Variants in NR6A1 observed in about 807,000 individuals in gnomAD.
NR6A1 encodes nuclear receptor subfamily 6 group A member 1, also known as retinoic acid receptor-related testis-associated receptor.
A neutral mutation model predicts 59.1 loss-of-function variants in NR6A1; 7 were observed. The ratio of observed to expected loss-of-function variants is 0.12; its 90% CI spans 0.07 to 0.22. The LOEUF (loss-of-function observed/expected upper bound fraction) is 0.22, where lower values mean the gene tolerates loss of function less well. Ranked by LOEUF, NR6A1 falls within the 10% of genes least tolerant of loss-of-function variation. The pLI, the probability that NR6A1 is intolerant of heterozygous loss-of-function variation, is 1.00. For missense variants in NR6A1, 468 were observed against 611.6 expected (o/e 0.77, Z 2.48); for synonymous variants, 243 against 236.1 (o/e 1.03, Z -0.27).
chr9:124,670,498 G>A (rs1428748871), intron 2 of NR6A1, among the ~76,000 whole-genome samples: 1 of 149,238 alleles, frequency 6.7e-6, no homozygotes, highest in Non-Finnish European at 1.5e-5. Context: ...GAAATGAAAA[G>A]TCTTAGTATT....
At chr9:124,685,403 C>A (rs976167592) in intron 2 of NR6A1, among the ~76,000 whole-genome samples, 1 of 152,212 alleles carries the variant, frequency 6.6e-6, no homozygotes, top group African/African-American at 2.4e-5. Context: ...CGGCTCACTG[C>A]AGCCTTGACC....
intron 2 of NR6A1, chr9:124,607,549 T>TA (rs1184789979): frequency 5.9e-5 from 9 of 152,200 alleles, no homozygotes; most frequent in Admixed American, 5.9e-4. Flanking sequence ...CCTGTAAATT[T>TA]ACTAGCTATG....
At position 124,651,061 on chromosome 9, in the gene NR6A1, T is replaced by C. The variant is rs1837087316; in HGVS notation, c.142+82247A>G. 1.3e-5 allele frequency among the ~76,000 whole-genome samples: 2 copies of C among 152,260 alleles called. 1 individual carries two copies. Among genetic ancestry groups the C allele is most frequent in the South Asian group, 4.2e-4 (2 of 4,814 alleles). On this transcript the variant is annotated intron_variant, in intron 2 of 9. Transcript: ENST00000487099. ...TCTGAATTGGGTTACTAGCTCTTTT[T>C]GTTTTTCTTTTTGAGACAGAGTCTC...
chr9:124,587,142 C>T (rs551784861), intron 2 of NR6A1, among the ~76,000 whole-genome samples: 20 of 152,342 alleles, frequency 1.3e-4, no homozygotes, highest in African/African-American at 4.3e-4. Context: ...AAATGATTCA[C>T]TGAAGCCTCA....
chr9:124,705,261 CTAAT>C (rs1176731269), intron 2 of NR6A1, among the ~76,000 whole-genome samples: 3 of 152,200 alleles, frequency 2.0e-5, no homozygotes, highest in East Asian at 3.9e-4. Flanking sequence ...TCAATTATTG[CTAAT>C]TATTCTATTA....
chr9:124,713,158 G>A (rs1270366698), intron 2 of NR6A1, among the ~76,000 whole-genome samples: 2 of 152,072 alleles, frequency 1.3e-5, no homozygotes, highest in African/African-American at 4.8e-5. Context: ...CCACTCAATG[G>A]AGAAAGAATA....
At chr9:124,524,463 G>A (rs1234506525) in intron 9 of NR6A1, among the ~76,000 whole-genome samples, 1 of 152,172 alleles carries the variant, frequency 6.6e-6, no homozygotes, top group Non-Finnish European at 1.5e-5. Flanking sequence ...ACCACCAGCG[G>A]AGACTGGTAT....
At chr9:124,641,742 C>A (rs1836772088) in intron 2 of NR6A1, among the ~76,000 whole-genome samples, 1 of 152,220 alleles carries the variant, frequency 6.6e-6, no homozygotes, top group Non-Finnish European at 1.5e-5. Context: ...AGGTCAGGAA[C>A]TGACTGCAGT....
intron 2 of NR6A1, among the ~76,000 whole-genome samples, chr9:124,709,959 AAAG>A (rs1218641968): frequency 6.6e-6 from 1 of 152,014 alleles, no homozygotes; most frequent in Admixed American, 6.6e-5. Context: ...AAAAAAAAAA[AAAG>A]AAACCCAGTA....
rs1055443511 is a variant in NR6A1 at position 124,624,499 on chromosome 9, C to T, written c.143-69929G>A. The stretch of plus-strand genomic sequence containing the variant: ...ATTAGTTTCATATTAGGTATCTTTT[C>T]TTAAAATCTCTGTTGGCATCATGTC... On this transcript the variant is annotated intron_variant, in intron 2 of 9. Transcript: ENST00000487099. Among the ~76,000 whole-genome samples, 4 of 152,110 alleles carry T rather than the reference C, an allele frequency of 2.6e-5. No homozygotes were observed. In the East Asian group the frequency reaches 7.7e-4, roughly 29 times the overall value.
rs1005911916 is a variant in NR6A1, at chr9:124,691,108, G to A, written c.142+42200C>T. ...TCGCTTTATATTATTGGACCAAGAG[G>A]AAGACTTTTTAAAATAAACCCATTA... is the stretch of plus-strand genomic sequence containing the variant. On this transcript the variant is annotated intron_variant, in intron 2 of 9. Coordinates refer to ENST00000487099, the MANE Select transcript of NR6A1 (RefSeq NM_033334.4). 7.9e-5 allele frequency among the ~76,000 whole-genome samples: 12 copies of A among 152,168 alleles called. No homozygotes were observed. The East Asian group carries it at 2.3e-3, about 29-fold the overall frequency.
intron 2 of NR6A1, among the ~76,000 whole-genome samples, chr9:124,630,670 C>CGTT (rs1836407219): frequency 1.7e-5 from 1 of 59,504 alleles, no homozygotes; most frequent in East Asian, 5.6e-4. Flanking sequence ...TACTACATTT[C>CGTT]TTTTTTTTTT....
chr9:124,746,221 A>C (rs539935337), intron 1 of NR6A1, among the ~76,000 whole-genome samples: 32 of 152,324 alleles, frequency 2.1e-4, no homozygotes, highest in South Asian at 1.0e-3. Context: ...ATTGTGTGGC[A>C]ACAAAGAAAT....
chr9:124,706,919 T>C (rs892041410), intron 2 of NR6A1, among the ~76,000 whole-genome samples: 1 of 152,204 alleles, frequency 6.6e-6, no homozygotes, highest in South Asian at 2.1e-4. Context: ...TTTTTCCTTA[T>C]CTATAATGGA....
intron 2 of NR6A1, among the ~76,000 whole-genome samples, chr9:124,707,270 C>A (rs1839160891): frequency 6.6e-6 from 1 of 152,152 alleles, no homozygotes; most frequent in African/African-American, 2.4e-5. Flanking sequence ...TCACCTCAAA[C>A]CGGCTGCTGA....
chr9:124,715,879 G>A (rs1839406091), intron 2 of NR6A1, among the ~76,000 whole-genome samples: 2 of 152,176 alleles, frequency 1.3e-5, no homozygotes, highest in Admixed American at 1.3e-4. Context: ...TCTATAAATA[G>A]ACTCACAATT....
intron 2 of NR6A1, among the ~76,000 whole-genome samples, chr9:124,612,586 T>C (rs77718180): frequency 0.012 from 1,798 of 152,250 alleles, 34 homozygotes; most frequent in African/African-American, 0.041. Context: ...AGGAACCTCA[T>C]AGATACTCCC....
At chr9:124,734,728 C>T (rs956753340) in intron 1 of NR6A1, among the ~76,000 whole-genome samples, 3 of 152,030 alleles carry the variant, frequency 2.0e-5, no homozygotes, top group Non-Finnish European at 4.4e-5. Context: ...AAAATTAGGA[C>T]TAGAGGGGTA....
At chr9:124,745,987 CAAAA>C (rs755252377) in intron 1 of NR6A1, among the ~76,000 whole-genome samples, 2 of 58,426 alleles carry the variant, frequency 3.4e-5, no homozygotes, top group Admixed American at 1.7e-4. Context: ...GACTCTGTCT[CAAAA>C]AAAAAAAAAA....
Sources: allele counts gnomAD v4.1 joint callset (sites outside exome capture counted in the v4.1 genomes callset), GRCh38; gene constraint gnomAD v4.1.1; transcripts MANE v1.5; gene names NCBI Gene and HGNC (gene_info 2026-07-23, HGNC 2026-07-21).